The following FAT3 variants were observed in gnomAD, a reference collection of about 807,000 sequenced individuals.
FAT3 encodes FAT atypical cadherin 3, also known as protocadherin Fat 3.
A neutral mutation model predicts 310.2 loss-of-function variants in FAT3; 95 were observed. That is an observed-to-expected ratio of 0.31 (90% CI 0.26 to 0.36). The LOEUF is 0.36. Ranked by LOEUF, FAT3 falls within the 10% of genes least tolerant of loss-of-function variation. FAT3 has a pLI of 1.00. For synonymous variants in FAT3, 2,314 were observed against 2,192.9 expected, an observed-to-expected ratio of 1.06 and a Z score of -1.54; for missense variants, 5,408 against 5,715.6, an observed-to-expected ratio of 0.95 and a Z score of 1.74.
intron 4 of FAT3, among the ~76,000 whole-genome samples, chr11:92,727,559 T>G (rs1258554294): frequency 6.6e-6 from 1 of 152,198 alleles, no homozygotes; most frequent in African/African-American, 2.4e-5. Context: ...CAGTCTGGCC[T>G]GGTGAAACAG....
chr11:92,368,851 C>CACATACATACACACAT (rs1555025218), intron 2 of FAT3, among the ~76,000 whole-genome samples: 1 of 145,868 alleles, frequency 6.9e-6, no homozygotes, highest in African/African-American at 2.6e-5. Flanking sequence ...TATATATACA[C>CACATACATACACACAT]ACATACACAT....
At chr11:92,569,411 A>C (rs925524272) in intron 3 of FAT3, among the ~76,000 whole-genome samples, 6 of 152,176 alleles carry the variant, frequency 3.9e-5, no homozygotes, top group African/African-American at 1.4e-4. Flanking sequence ...CCTTCAGCCA[A>C]AGTATAAATG....
intron 2 of FAT3, among the ~76,000 whole-genome samples, chr11:92,501,872 CA>C (rs1952949904): frequency 6.6e-6 from 1 of 151,926 alleles, no homozygotes; most frequent in Non-Finnish European, 1.5e-5. Flanking sequence ...CAAATGAATA[CA>C]GTGACCTCTG....
Position 92,356,478 on chromosome 11 carries a change from G to T in FAT3, c.3292+1074G>T, listed in dbSNP as rs139113722. On this transcript the variant is annotated intron_variant, in intron 2 of 27. Coordinates refer to ENST00000525166, the MANE Select transcript of FAT3 (RefSeq NM_001367949.2). ...AAACAACAGACATTTATTTCTCATA[G>T]TTCGGGAGGCTGGAAGTCCAAGATC... 7.9e-3 allele frequency among the ~76,000 whole-genome samples: 1,208 copies of T among 152,246 alleles called. 9 individuals are homozygous for T. The highest frequency in any genetic ancestry group is 0.013 in the Non-Finnish European group (883 of 68,024).
At chr11:92,366,845 A>G (rs1949035009) in intron 2 of FAT3, 3 of 534,962 alleles carry the variant, frequency 5.6e-6, no homozygotes, top group South Asian at 4.2e-5. Flanking sequence ...ATCCTTACTG[A>G]TGTTGCTGTA....
intron 2 of FAT3, among the ~76,000 whole-genome samples, chr11:92,369,516 G>T (rs1042666351): frequency 1.3e-5 from 2 of 152,042 alleles, no homozygotes; most frequent in African/African-American, 2.4e-5. Flanking sequence ...TCTCTGTATC[G>T]CTGGAGGAGG....
chr11:92,291,569 T>C (rs1477033612), intron 1 of FAT3, among the ~76,000 whole-genome samples: 1 of 150,650 alleles, frequency 6.6e-6, no homozygotes, highest in Admixed American at 6.6e-5. Flanking sequence ...ATATAGTGTG[T>C]GCCTCCTTCC....
intron 2 of FAT3, among the ~76,000 whole-genome samples, chr11:92,417,032 A>G (rs1028430984): frequency 2.0e-5 from 3 of 152,178 alleles, no homozygotes; most frequent in Non-Finnish European, 4.4e-5. Context: ...TAGAAGAATA[A>G]AGGATAATGA....
chr11:92,609,528 A>T (rs920652826), intron 3 of FAT3, among the ~76,000 whole-genome samples: 3 of 152,226 alleles, frequency 2.0e-5, no homozygotes, highest in Non-Finnish European at 2.9e-5. Context: ...AAAAACAAGT[A>T]TACCAAAAGC....
At chr11:92,522,161 A>T (rs1374478676) in intron 2 of FAT3, among the ~76,000 whole-genome samples, 1 of 152,106 alleles carries the variant, frequency 6.6e-6, no homozygotes, top group Admixed American at 6.5e-5. Context: ...ACCCCAGCTC[A>T]CACCTTTCTA....
At chr11:92,593,442 CT>C (rs397941943) in intron 3 of FAT3, among the ~76,000 whole-genome samples, 469 of 141,886 alleles carry the variant, frequency 3.3e-3, no homozygotes, top group African/African-American at 6.0e-3. Context: ...ATGCCATTTT[CT>C]TTTTTTTTTT....
In FAT3 at chr11:92,883,460, G is replaced by A. The variant is rs1949724638; in HGVS notation, c.12937+67G>A. 3 of 1,526,760 alleles carry A rather than the reference G, an allele frequency of 2.0e-6. No individual in the cohort carries two copies. The highest frequency in any genetic ancestry group is 1.4e-5 in the African/African-American group (1 of 72,676). 94.6% of individuals were successfully genotyped at this position (1,526,760 alleles called of 1,614,324 possible). A position where few individuals can be genotyped will look rare whatever the true frequency, so the allele number is the denominator to read the frequency against. On this transcript the variant is annotated intron_variant, in intron 24 of 27. Transcript: ENST00000525166. This position sits in a 1 kb window ranked among gnomAD's most constrained non-coding sequence, Gnocchi z 4.2. ...GGAACCTGCAGGGGCGCTGTGCGAG[G>A]ACGCTACGGGAAGGGAGAGAGACCC... is the stretch of plus-strand genomic sequence containing the variant.
In FAT3 at chr11:92,229,520, T is replaced by TTTTTTTG. The variant is rs1864079872; in HGVS notation, c.-18+4349_-18+4350insTTTGTTT. The stretch of plus-strand genomic sequence containing the variant: ...TTTTTTTTTTTTGTTTTTTGTTTTT[T>TTTTTTTG]TTTACATTGCCTCCCTTTCTCCAAA... On this transcript the variant is annotated intron_variant, in intron 1 of 27. Transcript: ENST00000525166. Among the ~76,000 whole-genome samples the TTTTTTTG allele has an allele frequency of 1.5e-5, 2 of 135,036 alleles. 1 individual carries two copies. The highest frequency in any genetic ancestry group is 3.2e-5 in the Non-Finnish European group (2 of 63,430). 88.6% of individuals were successfully genotyped at this position (135,036 alleles called of 152,430 possible).
chr11:92,758,627 G>A (rs1033027053), intron 4 of FAT3, among the ~76,000 whole-genome samples: 3 of 152,164 alleles, frequency 2.0e-5, no homozygotes, highest in South Asian at 2.1e-4. Flanking sequence ...AGAGTATTAC[G>A]CAAATCAGCG....
At chr11:92,378,686 A>T (rs77057717) in intron 2 of FAT3, among the ~76,000 whole-genome samples, 1 of 152,148 alleles carries the variant, frequency 6.6e-6, no homozygotes, top group Non-Finnish European at 1.5e-5. Flanking sequence ...GTCTTAGTCC[A>T]TTGGGATTGC....
chr11:92,238,568 G>A (rs760322037), intron 1 of FAT3, among the ~76,000 whole-genome samples: 35 of 152,024 alleles, frequency 2.3e-4, no homozygotes, highest in Non-Finnish European at 4.7e-4. Flanking sequence ...TACAGATGGG[G>A]AAAGGGCTCA....
At chr11:92,834,415 A>G (rs896214809) in intron 14 of FAT3, among the ~76,000 whole-genome samples, 3 of 152,226 alleles carry the variant, frequency 2.0e-5, no homozygotes, top group African/African-American at 7.2e-5. Flanking sequence ...CTTTGTGGTT[A>G]ATTCAATTCA....
chr11:92,687,974 G>A (rs142736142), intron 3 of FAT3, among the ~76,000 whole-genome samples: 113 of 151,782 alleles, frequency 7.4e-4, no homozygotes, highest in African/African-American at 2.5e-3. Flanking sequence ...GCTGAGGCCA[G>A]AGGCTCACCT....
chr11:92,520,905 A>G (rs1366478159), intron 2 of FAT3, among the ~76,000 whole-genome samples: 1 of 152,128 alleles, frequency 6.6e-6, no homozygotes, highest in African/African-American at 2.4e-5. Flanking sequence ...GAGAATTCTA[A>G]TTTTTAAGGA....
Sources: gnomAD v4.1 joint callset for allele counts (sites outside exome capture counted in the v4.1 genomes callset) on GRCh38, gnomAD v4.1.1 for gene constraint, Gnocchi (gnomAD v3.1) non-coding constraint, MANE v1.5 for transcripts, NCBI Gene and HGNC (gene_info 2026-07-23, HGNC 2026-07-21) for gene names.